Variants in TENM2 observed in about 807,000 individuals in gnomAD.
The protein encoded by TENM2 is teneurin-2.
Under a neutral mutation model 245.2 loss-of-function variants are expected in TENM2, and 52 were observed. That is an observed-to-expected ratio of 0.21 (90% CI 0.17 to 0.27). TENM2 has a LOEUF of 0.27. Among genes scored for constraint, TENM2 ranks in the 10% least tolerant of loss-of-function variants. The pLI is 1.00. For missense variants in TENM2, 3,046 were observed against 3,666.8 expected (o/e 0.83, Z 4.37); for synonymous variants, 1,363 against 1,438.9 (o/e 0.95, Z 1.19).
At chr5:168,169,192 AG>A (rs1229340196) in intron 13 of TENM2, among the ~76,000 whole-genome samples, 1 of 152,198 alleles carries the variant, frequency 6.6e-6, no homozygotes, top group South Asian at 2.1e-4. Context: ...CTGGCTCTTC[AG>A]CTCGTCTCCA....
At chr5:167,497,523 C>T (rs961756463) in intron 2 of TENM2, among the ~76,000 whole-genome samples, 4 of 152,036 alleles carry the variant, frequency 2.6e-5, no homozygotes, top group Admixed American at 2.6e-4. Flanking sequence ...TGCTTTTGAA[C>T]AATCATGGCC....
intron 1 of TENM2, among the ~76,000 whole-genome samples, chr5:167,347,355 T>C (rs1758525798): frequency 6.6e-6 from 1 of 152,170 alleles, no homozygotes; most frequent in Non-Finnish European, 1.5e-5. Context: ...AAGCAGTCAG[T>C]GCCTCTGCTT....
At chr5:168,189,557 C>T (rs1331842745) in intron 13 of TENM2, among the ~76,000 whole-genome samples, 3 of 152,134 alleles carry the variant, frequency 2.0e-5, no homozygotes, top group Non-Finnish European at 4.4e-5. Flanking sequence ...GAAGACAGAA[C>T]CAGAAACTAC....
At chr5:167,250,436 G>A in the TENM2 span, among the ~76,000 whole-genome samples, 1 of 152,050 alleles carries the variant, frequency 6.6e-6, no homozygotes, top group Admixed American at 6.6e-5. Context: ...TGAATCTATT[G>A]GGTAAAATAT....
chr5:167,017,730 T>A, the TENM2 span, among the ~76,000 whole-genome samples: 1 of 152,220 alleles, frequency 6.6e-6, no homozygotes, highest in Non-Finnish European at 1.5e-5. Flanking sequence ...AGATTGGATT[T>A]TTTTAGTGTG....
At chr5:168,199,281 G>C (rs1761732350) in intron 16 of TENM2, among the ~76,000 whole-genome samples, 167 bp downstream of exon 18, 1 of 152,222 alleles carries the variant, frequency 6.6e-6, no homozygotes, top group South Asian at 2.1e-4. Flanking sequence ...AATCCCTCTT[G>C]GCTGTTCTGG....
the TENM2 span, among the ~76,000 whole-genome samples, chr5:167,092,509 G>A: frequency 6.6e-6 from 1 of 152,192 alleles, no homozygotes; most frequent in African/African-American, 2.4e-5. Context: ...AATAGCTAAT[G>A]TGTGCAGGTA....
the TENM2 span, among the ~76,000 whole-genome samples, chr5:167,120,935 C>T: frequency 9.9e-5 from 15 of 152,126 alleles, no homozygotes; most frequent in Non-Finnish European, 2.1e-4. Flanking sequence ...ATGCCTCATG[C>T]ATCCATTTCT....
intron 20 of TENM2, among the ~76,000 whole-genome samples, chr5:168,214,002 G>A (rs1224271417): frequency 6.6e-6 from 1 of 152,168 alleles, no homozygotes. Flanking sequence ...CCAGTGACAG[G>A]CACTACAAAG....
chr5:167,656,943 C>CT (rs5873053), intron 2 of TENM2, among the ~76,000 whole-genome samples: 19,575 of 142,350 alleles, frequency 0.14, 2,509 homozygotes, highest in East Asian at 0.39. Flanking sequence ...AAAGATTTAT[C>CT]TTTTTTTTTT....
chr5:167,285,131 C>A (rs977982760), intron 1 of TENM2, 68 bp downstream of exon 3: 2 of 1,263,558 alleles, frequency 1.6e-6, no homozygotes, highest in African/African-American at 1.5e-5. Flanking sequence ...TGGTTGATGG[C>A]TGCTTTTGGA....
chr5:167,389,792 T>C (rs1181296169), intron 2 of TENM2, among the ~76,000 whole-genome samples: 5 of 152,188 alleles, frequency 3.3e-5, no homozygotes, highest in African/African-American at 9.6e-5. Context: ...ATCCTTGAGC[T>C]CAGGAGTCAC....
intron 3 of TENM2, among the ~76,000 whole-genome samples, chr5:167,929,049 GAA>G (rs1778005507): frequency 2.1e-5 from 2 of 94,126 alleles, no homozygotes; most frequent in East Asian, 3.0e-4. Context: ...AAAGAAAAAA[GAA>G]AGAAAGAGAG....
At chr5:167,316,539 A>T (rs967376746) in intron 1 of TENM2, among the ~76,000 whole-genome samples, 22 of 152,172 alleles carry the variant, frequency 1.4e-4, no homozygotes, top group Admixed American at 9.2e-4. Context: ...TATTATTTTC[A>T]GTTAGGTATG....
chr5:167,522,657 T>C (rs1304829481), intron 2 of TENM2, among the ~76,000 whole-genome samples: 2 of 152,166 alleles, frequency 1.3e-5, no homozygotes, highest in Non-Finnish European at 2.9e-5. Flanking sequence ...GGCACATTTT[T>C]ATAGTAAGAT....
chr5:168,221,278 G>C (rs183480269), intron 23 of TENM2, among the ~76,000 whole-genome samples: 1 of 152,194 alleles, frequency 6.6e-6, no homozygotes, highest in Admixed American at 6.5e-5. Flanking sequence ...ATGAGGTACA[G>C]AAGCCATTTA....
At chr5:167,549,304 A>G (rs955062784) in intron 2 of TENM2, among the ~76,000 whole-genome samples, 2 of 152,140 alleles carry the variant, frequency 1.3e-5, no homozygotes, top group African/African-American at 4.8e-5. Flanking sequence ...CTTGAACTTT[A>G]TAAGGCTAAT....
intron 13 of TENM2, among the ~76,000 whole-genome samples, chr5:168,173,347 G>A (rs565013330): frequency 5.9e-5 from 9 of 152,134 alleles, no homozygotes; most frequent in East Asian, 1.9e-4. Context: ...TCAATGCTGC[G>A]TTGCCACCAA....
chr5:167,612,731 C>T (rs1053849022), intron 2 of TENM2, among the ~76,000 whole-genome samples: 3 of 151,924 alleles, frequency 2.0e-5, no homozygotes, highest in African/African-American at 7.3e-5. Context: ...ACCTGACGTA[C>T]GGGATGTTTT....
Sources: gnomAD v4.1 joint callset for allele counts (sites outside exome capture counted in the v4.1 genomes callset) on GRCh38, gnomAD v4.1.1 for gene constraint, MANE v1.5 for transcripts, NCBI Gene and HGNC (gene_info 2026-07-23, HGNC 2026-07-21) for gene names.